BTBD9: variants seen among roughly 807,000 people sequenced by gnomAD.
BTBD9 encodes BTB domain containing 9.
In BTBD9, 49 loss-of-function variants were observed where a neutral mutation model predicts 64.3. The ratio of observed to expected loss-of-function variants is 0.76; its 90% CI spans 0.61 to 0.97. The LOEUF is 0.97. BTBD9 is among the 50% of genes least tolerant of loss of function. The pLI is 0.00. For synonymous variants in BTBD9, 260 were observed against 274.7 expected, an observed-to-expected ratio of 0.95 and a Z score of 0.53; for missense variants, 598 against 762.1, an observed-to-expected ratio of 0.78 and a Z score of 2.53.
intron 6 of BTBD9, among the ~76,000 whole-genome samples, chr6:38,429,175 C>A (rs770960311): frequency 6.6e-6 from 1 of 151,488 alleles, no homozygotes; most frequent in Non-Finnish European, 1.5e-5. Context: ...AACAACTGGG[C>A]TGGGCATGGT....
chr6:38,261,208 G>A (rs1243945586), intron 8 of BTBD9, among the ~76,000 whole-genome samples: 3 of 152,026 alleles, frequency 2.0e-5, no homozygotes, highest in Non-Finnish European at 4.4e-5. Flanking sequence ...TTAAAAGCAT[G>A]AGCCACTGAG....
intron 6 of BTBD9, among the ~76,000 whole-genome samples, chr6:38,558,257 TAA>T (rs36105146): frequency 6.8e-6 from 1 of 146,134 alleles, no homozygotes; most frequent in Admixed American, 6.8e-5. Context: ...GACCCTTTCT[TAA>T]AAAAAAAAAA....
chr6:38,257,896 G>A (rs538021718), intron 8 of BTBD9, among the ~76,000 whole-genome samples: 7 of 151,692 alleles, frequency 4.6e-5, no homozygotes. Context: ...GTAGTTACAC[G>A]GGCATAAATG....
At chr6:38,468,138 C>G (rs528124094) in intron 6 of BTBD9, among the ~76,000 whole-genome samples, 1 of 152,128 alleles carries the variant, frequency 6.6e-6, no homozygotes, top group East Asian at 1.9e-4. Context: ...CTTGGCTTCC[C>G]GAAGTGCTGA....
intron 6 of BTBD9, among the ~76,000 whole-genome samples, chr6:38,548,596 A>AT (rs11375307): frequency 0.18 from 27,242 of 151,866 alleles, 2,501 homozygotes; most frequent in East Asian, 0.27. Flanking sequence ...CAAAATATCT[A>AT]TTTTTTTTCC....
At chr6:38,595,711 T>G in intron 2 of BTBD9, 1 of 951,566 alleles carries the variant, frequency 1.1e-6, no homozygotes, top group Non-Finnish European at 1.3e-6. Context: ...GCATTCTTGC[T>G]TGCCCCAGAA....
At chr6:38,454,141 T>C (rs1329870708) in intron 6 of BTBD9, among the ~76,000 whole-genome samples, 4 of 152,276 alleles carry the variant, frequency 2.6e-5, no homozygotes, top group East Asian at 1.9e-4. Context: ...ACTTGAACAA[T>C]GGACTGTTAC....
intron 6 of BTBD9, chr6:38,504,667 C>G: frequency 6.7e-6 from 3 of 450,094 alleles, no homozygotes; most frequent in South Asian, 4.8e-5. Flanking sequence ...AAGCCCATTC[C>G]TAGAATGTTT....
At chr6:38,259,502 A>C (rs775377870) in intron 8 of BTBD9, among the ~76,000 whole-genome samples, 4 of 152,138 alleles carry the variant, frequency 2.6e-5, no homozygotes, top group Admixed American at 6.5e-5. Context: ...TCCTGGGCTA[A>C]AGCAATCCTC....
At position 38,465,643 on chromosome 6, in the gene BTBD9, C is replaced by T. The variant is rs543908243; in HGVS notation, c.1154+111957G>A. The stretch of plus-strand genomic sequence containing the variant: ...TGGAGCTTGCAGTGAGCCGAGACCA[C>T]GCCACTGCACTCCAGTCTGGGTGAC... On this transcript the variant is annotated intron_variant, in intron 6 of 10. Coordinates refer to ENST00000481247, the MANE Select transcript of BTBD9 (RefSeq NM_001099272.2). 5.0e-5 allele frequency among the ~76,000 whole-genome samples: 7 copies of T among 141,344 alleles called. No homozygotes were observed. The South Asian group carries it at 9.0e-4, about 18-fold the overall frequency. 92.7% of individuals were successfully genotyped at this position (141,344 alleles called of 152,430 possible).
chr6:38,331,027 A>C (rs1017827206), intron 7 of BTBD9, among the ~76,000 whole-genome samples: 1 of 150,906 alleles, frequency 6.6e-6, no homozygotes, highest in South Asian at 2.1e-4. Flanking sequence ...ATCAGATGAC[A>C]AAAAAAATGA....
chr6:38,224,850 A>G (rs551244383), intron 9 of BTBD9, among the ~76,000 whole-genome samples: 1 of 152,350 alleles, frequency 6.6e-6, no homozygotes, highest in East Asian at 1.9e-4. Context: ...TAGTACTTAC[A>G]TTGTTTACAA....
intron 6 of BTBD9, among the ~76,000 whole-genome samples, chr6:38,575,922 T>C (rs1262754371): frequency 6.6e-6 from 1 of 152,102 alleles, no homozygotes; most frequent in Admixed American, 6.6e-5. Context: ...AAGGAGAGTA[T>C]AATAATGCTC....
chr6:38,537,752 C>A (rs1249706781), intron 6 of BTBD9, among the ~76,000 whole-genome samples: 1 of 152,110 alleles, frequency 6.6e-6, no homozygotes, highest in East Asian at 1.9e-4. Context: ...ACATGGCTAC[C>A]GAACTTAAGA....
At position 38,225,806 on chromosome 6, in the gene BTBD9, A is replaced by G. The variant is rs186260289; in HGVS notation, c.1562+30603T>C. On this transcript the variant is annotated intron_variant, in intron 9 of 10. Transcript: ENST00000481247. Reference sequence around the variant, plus strand: ...AACCCAGGACTTCAAGGTGCTTACAATCTAGTCAGAACGACCTAATGACAT... The same window carrying G: ...AACCCAGGACTTCAAGGTGCTTACAGTCTAGTCAGAACGACCTAATGACAT... 1.4e-4 allele frequency among the ~76,000 whole-genome samples: 22 copies of G among 152,274 alleles called. No homozygotes were observed. In the East Asian group the frequency reaches 4.2e-3, roughly 29 times the overall value.
chr6:38,440,585 T>A (rs185300627), intron 6 of BTBD9, among the ~76,000 whole-genome samples: 1 of 152,156 alleles, frequency 6.6e-6, no homozygotes, highest in South Asian at 2.1e-4. Flanking sequence ...CATTCTTAGA[T>A]AAGCTTTTTA....
intron 6 of BTBD9, among the ~76,000 whole-genome samples, chr6:38,378,105 C>T (rs181500199): frequency 8.5e-5 from 13 of 152,202 alleles, no homozygotes; most frequent in East Asian, 7.7e-4. Context: ...CAGTGGAGGA[C>T]GACTCTCGGG....
At chr6:38,638,363 C>G (rs1192003819) in intron 1 of BTBD9, among the ~76,000 whole-genome samples, 2 of 152,210 alleles carry the variant, frequency 1.3e-5, no homozygotes, top group Non-Finnish European at 2.9e-5. Context: ...TATCATGATA[C>G]TGGGCAGAGG....
rs1491184653 is a variant in BTBD9 at position 38,465,707 on chromosome 6, T to TA, written c.1154+111892_1154+111893insT. Among the ~76,000 whole-genome samples, 23 of 46,848 alleles carry TA rather than the reference T, an allele frequency of 4.9e-4. 1 individual carries two copies. Among genetic ancestry groups the TA allele is most frequent in the African/African-American group, 1.9e-3 (20 of 10,598 alleles). The allele number at this position is 46,848 out of a possible 152,430, so 30.7% of individuals were successfully genotyped here. ...ATCTCTAAATAAATAAATAAATAAATTATATATATATATATATATATATAT... is the reference window on the plus strand; with the variant it reads ...ATCTCTAAATAAATAAATAAATAAATATATATATATATATATATATATATAT... On this transcript the variant is annotated intron_variant, in intron 6 of 10. Transcript: ENST00000481247.
Sources: gnomAD v4.1 joint callset for allele counts (sites outside exome capture counted in the v4.1 genomes callset) on GRCh38, gnomAD v4.1.1 for gene constraint, MANE v1.5 for transcripts, NCBI Gene and HGNC (gene_info 2026-07-23, HGNC 2026-07-21) for gene names.